PTBP3: variants seen among roughly 807,000 people sequenced by gnomAD.
PTBP3 encodes polypyrimidine tract-binding protein 3.
A neutral mutation model predicts 58.7 loss-of-function variants in PTBP3; 20 were observed. The observed-to-expected ratio is 0.34, with a 90% CI of 0.24 to 0.50. The LOEUF is 0.50. Ranked by LOEUF, PTBP3 falls within the 20% of genes least tolerant of loss-of-function variation. The probability of loss-of-function intolerance (pLI) is 0.98; values close to 1 mark genes in which losing one functional copy is unlikely to be tolerated. For missense variants in PTBP3, 509 were observed against 637.2 expected (o/e 0.80, Z 2.17); for synonymous variants, 185 against 219.8 (o/e 0.84, Z 1.40).
chr9:112,233,942 C>A (rs72751909), intron 8 of PTBP3, among the ~76,000 whole-genome samples: 104 of 150,032 alleles, frequency 6.9e-4, no homozygotes, highest in Non-Finnish European at 5.5e-4. Flanking sequence ...ACAACAACAA[C>A]AAAAAAAAGA....
chr9:112,304,254 G>C (rs1309846680), intron 1 of PTBP3, among the ~76,000 whole-genome samples: 3 of 152,100 alleles, frequency 2.0e-5, no homozygotes, highest in Admixed American at 2.0e-4. Flanking sequence ...CTCATTTATG[G>C]TTAACCTTTC....
intron 1 of PTBP3, among the ~76,000 whole-genome samples, chr9:112,317,850 G>A (rs1267581673): frequency 6.6e-6 from 1 of 151,766 alleles, no homozygotes; most frequent in African/African-American, 2.4e-5. Flanking sequence ...AGGAGAGGCA[G>A]GAGAATCGCT....
the PTBP3 span, among the ~76,000 whole-genome samples, chr9:112,365,583 T>C: frequency 6.6e-6 from 1 of 152,186 alleles, no homozygotes. Flanking sequence ...GGTATGTCTT[T>C]ATCAGCAGCA....
chr9:112,269,101 G>T (rs1407110414), intron 3 of PTBP3, among the ~76,000 whole-genome samples: 1 of 151,302 alleles, frequency 6.6e-6, no homozygotes, highest in Non-Finnish European at 1.5e-5. Context: ...GGAGGCTAAG[G>T]CAGGAGAATC....
In PTBP3 at chr9:112,287,629, C is replaced by A. The variant is rs189644221; in HGVS notation, c.34+10203G>T. On this transcript the variant is annotated intron_variant, in intron 2 of 13. Coordinates refer to ENST00000374257, the MANE Select transcript of PTBP3 (RefSeq NM_001163788.4). ...GTGCTAGGATTACAGGGGTGAGCCA[C>A]CACGCCCAGCCTTCAGTTTTTTCTG... Among the ~76,000 whole-genome samples the A allele has an allele frequency of 8.2e-3, 1,254 of 152,272 alleles. 5 individuals are homozygous for A. Among genetic ancestry groups the A allele is most frequent in the Non-Finnish European group, 0.013 (869 of 68,020 alleles).
In PTBP3 at chr9:112,300,102, A is replaced by T. The variant is rs541801301; in HGVS notation, c.-51-2186T>A. 1.2e-3 allele frequency among the ~76,000 whole-genome samples: 180 copies of T among 152,366 alleles called. 1 individual carries two copies. The highest frequency in any genetic ancestry group is 4.0e-3 in the African/African-American group (167 of 41,588). On this transcript the variant is annotated intron_variant, in intron 1 of 13. Transcript: ENST00000374257. Reference sequence around the variant, plus strand: ...AAAAGATGGACAATATCATGTTAGTAATAATGTGGGGTGACAAAAACTCTT... The same window carrying T: ...AAAAGATGGACAATATCATGTTAGTTATAATGTGGGGTGACAAAAACTCTT...
chr9:112,272,214 C>T (rs769358725), intron 3 of PTBP3, among the ~76,000 whole-genome samples: 2 of 151,986 alleles, frequency 1.3e-5, no homozygotes, highest in African/African-American at 2.4e-5. Context: ...AGGTGGGTGC[C>T]GCCACACTTG....
the PTBP3 span, chr9:112,362,914 A>G: frequency 3.4e-6 from 1 of 294,608 alleles, no homozygotes; most frequent in Non-Finnish European, 6.6e-6. Flanking sequence ...CACAAAGCAC[A>G]TGCTGCCCAG....
intron 7 of PTBP3, among the ~76,000 whole-genome samples, chr9:112,244,718 A>G (rs371999878): frequency 2.0e-5 from 3 of 152,278 alleles, no homozygotes; most frequent in East Asian, 3.9e-4. Context: ...GAATGGACAG[A>G]TGCACAATGT....
chr9:112,308,441 G>C (rs929282529), intron 1 of PTBP3, among the ~76,000 whole-genome samples: 2 of 149,718 alleles, frequency 1.3e-5, no homozygotes, highest in Non-Finnish European at 3.0e-5. Flanking sequence ...TTTAATTACA[G>C]ACTACTTCAA....
chr9:112,349,143 C>T, the PTBP3 span, among the ~76,000 whole-genome samples: 7 of 151,942 alleles, frequency 4.6e-5, no homozygotes, highest in African/African-American at 1.7e-4. Context: ...TAGGTAGCCT[C>T]AGTATGGTGT....
At chr9:112,227,709 T>C in intron 11 of PTBP3, 82 bp from the exon 12 acceptor site, 1 of 1,065,214 alleles carries the variant, frequency 9.4e-7, no homozygotes, top group Non-Finnish European at 1.4e-6. Flanking sequence ...CCATAAATTA[T>C]TTTTATGTAG....
At chr9:112,231,343 C>T (rs375556969) in intron 10 of PTBP3, 37 bp downstream of exon 10, 2 of 1,523,760 alleles carry the variant, frequency 1.3e-6, no homozygotes, top group African/African-American at 1.4e-5. Context: ...TCAATTCACA[C>T]CTGTAGACAA....
rs57476799 is a variant in PTBP3 at position 112,277,882 on chromosome 9, G to GTAACATAACA, written c.35-1879_35-1870dup. Reference sequence around the variant, plus strand: ...TTTTGAGACTCTGTCTCAAAATAACGTAACATAACATAACATAACATAACA... The same window carrying GTAACATAACA: ...TTTTGAGACTCTGTCTCAAAATAACGTAACATAACATAACATAACATAACATAACATAACA... On this transcript the variant is annotated intron_variant, in intron 2 of 13. Transcript: ENST00000374257. Among the ~76,000 whole-genome samples, 424 of 130,218 alleles carry GTAACATAACA rather than the reference G, an allele frequency of 3.3e-3. 1 individual carries two copies. Among genetic ancestry groups the GTAACATAACA allele is most frequent in the Middle Eastern group, 7.5e-3 (2 of 266 alleles). The allele number at this position is 130,218 out of a possible 152,430, so 85.4% of individuals were successfully genotyped here. A position where few individuals can be genotyped will look rare whatever the true frequency, so the allele number is the denominator to read the frequency against.
chr9:112,272,966 A>T (rs1827453884), intron 3 of PTBP3: 3 of 152,248 alleles, frequency 2.0e-5, no homozygotes, highest in South Asian at 4.1e-4. Flanking sequence ...TCTAAATCAA[A>T]CTATTTGTTT....
At chr9:112,260,808 G>C (rs1836563095) in intron 5 of PTBP3, among the ~76,000 whole-genome samples, 1 of 152,160 alleles carries the variant, frequency 6.6e-6, no homozygotes, top group Admixed American at 6.5e-5. Context: ...AAAAGTGAGT[G>C]CTATAACTGA....
intron 4 of PTBP3, among the ~76,000 whole-genome samples, chr9:112,263,960 C>T (rs1412357481): frequency 1.3e-5 from 2 of 151,578 alleles, no homozygotes; most frequent in Non-Finnish European, 2.9e-5. Flanking sequence ...TACTTTGGGG[C>T]CACAGAGCAA....
At chr9:112,273,731 C>T (rs2132190124) in intron 3 of PTBP3, among the ~76,000 whole-genome samples, 1 of 152,246 alleles carries the variant, frequency 6.6e-6, no homozygotes, top group South Asian at 2.1e-4. Flanking sequence ...CAGAGGAAGG[C>T]TGGGAAAAAG....
intron 5 of PTBP3, among the ~76,000 whole-genome samples, chr9:112,257,767 C>T (rs1366529272): frequency 6.6e-6 from 1 of 152,028 alleles, no homozygotes; most frequent in Admixed American, 6.5e-5. Context: ...TGGCGAAATC[C>T]CTCCTCCACT....
Sources: gnomAD v4.1 joint callset for allele counts (sites outside exome capture counted in the v4.1 genomes callset) on GRCh38, gnomAD v4.1.1 for gene constraint, MANE v1.5 for transcripts, NCBI Gene and HGNC (gene_info 2026-07-23, HGNC 2026-07-21) for gene names.